The following MYPN variants were observed in gnomAD, a reference collection of about 807,000 sequenced individuals.
MYPN encodes myopalladin.
In MYPN, 63 loss-of-function variants were observed where a neutral mutation model predicts 129.4. The ratio of observed to expected loss-of-function variants is 0.49; its 90% confidence interval spans 0.40 to 0.60. MYPN has a LOEUF of 0.60. MYPN is among the 20% of genes least tolerant of loss of function. The pLI, the probability that MYPN is intolerant of heterozygous loss-of-function variation, is 0.00. For missense variants in MYPN, 1,596 were observed against 1,635.4 expected (o/e 0.98, Z 0.42); for synonymous variants, 629 against 600.9 (o/e 1.05, Z -0.68).
At chr10:68,139,086 C>G (rs1178905804) in intron 2 of MYPN, among the ~76,000 whole-genome samples, 1 of 152,166 alleles carries the variant, frequency 6.6e-6, no homozygotes, top group Non-Finnish European at 1.5e-5. Flanking sequence ...CTTCTTCCTC[C>G]TGCTCCAACA....
At chr10:68,205,340 T>A (rs1037024663) in intron 18 of MYPN, among the ~76,000 whole-genome samples, 7 of 151,818 alleles carry the variant, frequency 4.6e-5, no homozygotes, top group African/African-American at 1.7e-4. Flanking sequence ...CTTATTTATC[T>A]TTTATTTATT....
chr10:68,130,995 T>C (rs1274837332), intron 2 of MYPN, among the ~76,000 whole-genome samples: 3 of 152,214 alleles, frequency 2.0e-5, no homozygotes, highest in Admixed American at 1.3e-4. Flanking sequence ...TATAATAGGC[T>C]TTTCACAGCT....
intron 18 of MYPN, among the ~76,000 whole-genome samples, chr10:68,205,052 G>A (rs1402833748): frequency 1.3e-5 from 2 of 152,188 alleles, no homozygotes; most frequent in Non-Finnish European, 2.9e-5. Context: ...CTTCTGGGAA[G>A]TTTTCCCACC....
At position 68,173,883 on chromosome 10, in the gene MYPN, T is replaced by C. The variant is rs572753514; in HGVS notation, c.1974-183T>C. On this transcript the variant is annotated intron_variant, in intron 10 of 19. Transcript: ENST00000358913. ...GGTTTCACCATGTTGCCCAGGCTGG[T>C]CTCAAACTCCTGGACTCAAGTGATC... Among the ~76,000 whole-genome samples, 126 of 150,238 alleles carry C rather than the reference T, an allele frequency of 8.4e-4. 1 individual carries two copies. Among genetic ancestry groups the C allele is most frequent in the African/African-American group, 2.7e-3 (110 of 40,962 alleles).
rs2042241903 is a variant in MYPN, at chr10:68,121,545, A to G, written c.107A>G (p.Glu36Gly). 6.2e-7 allele frequency: 1 copy of G among 1,614,212 alleles called. No homozygotes were observed. The highest frequency in any genetic ancestry group is 8.5e-7 in the Non-Finnish European group (1 of 1,180,032). Residue 36 changes from glutamate (E) to glycine (G), a missense_variant, in exon 2 of 20, where the codon GAG becomes GGG. Coordinates refer to ENST00000358913, the MANE Select transcript of MYPN (RefSeq NM_032578.4). ...GGAAACAATGAGAGGAGTCGAGCGG[A>G]GCCCTCCTCCAACCCTTGCCATTTC... ...HRGNNERSRA[E>G]PSSNPCHFGS...
At chr10:68,107,486 A>G (rs2042026599), upstream of MYPN, among the ~76,000 whole-genome samples, 1 of 150,534 alleles carries the variant, frequency 6.6e-6, no homozygotes, top group Non-Finnish European at 1.5e-5. Context: ...GACTACAGGC[A>G]TGCACCTCTA....
chr10:68,161,397 GAAGC>G (rs2042972097), intron 7 of MYPN, among the ~76,000 whole-genome samples: 1 of 151,970 alleles, frequency 6.6e-6, no homozygotes, highest in South Asian at 2.1e-4. Flanking sequence ...CTGGGAGGCT[GAAGC>G]AGGAGAATTG....
At chr10:68,209,411 C>A (rs2043868801) in intron 19 of MYPN, among the ~76,000 whole-genome samples, 1 of 152,130 alleles carries the variant, frequency 6.6e-6, no homozygotes, top group Admixed American at 6.5e-5. Context: ...AACAATAGAA[C>A]CTGATTAGGG....
At chr10:68,154,053 G>A (rs2134116023) in intron 6 of MYPN, among the ~76,000 whole-genome samples, 1 of 152,304 alleles carries the variant, frequency 6.6e-6, no homozygotes, top group East Asian at 1.9e-4. Context: ...CAGCAAAACA[G>A]TGGTAGAATT....
At chr10:68,199,335 G>A in intron 16 of MYPN, 33 bp from the exon 17 acceptor site, 4 of 1,603,082 alleles carry the variant, frequency 2.5e-6, no homozygotes, top group Non-Finnish European at 3.4e-6. Context: ...CCTGTCATCA[G>A]TCATGTGCCT....
chr10:68,107,208 A>G (rs2042021955), upstream of MYPN, among the ~76,000 whole-genome samples: 1 of 152,226 alleles, frequency 6.6e-6, no homozygotes, highest in African/African-American at 2.4e-5. Context: ...AATATTATTT[A>G]TTTAAAACAT....
At chr10:68,140,176 T>C (rs1415899934) in intron 2 of MYPN, among the ~76,000 whole-genome samples, 2 of 152,148 alleles carry the variant, frequency 1.3e-5, no homozygotes, top group African/African-American at 4.8e-5. Context: ...AGCTTATGTG[T>C]TCACAGAATC....
In MYPN at chr10:68,148,377, A is replaced by T. The variant is rs779840301; in HGVS notation, c.1155A>T (p.Ser385=). The T allele has an allele frequency of 1.2e-6, 2 of 1,614,100 alleles. No homozygotes were observed. The highest frequency in any genetic ancestry group is 1.1e-5 in the South Asian group (1 of 91,092). ...MNRIQKPNEV[S]SPPTTSAVIP... is the part of the protein sequence containing the mutation. ...GAATCCAGAAGCCAAATGAGGTGTC[A>T]TCTCCTCCCACTACCTCTGCAGTCA... is the stretch of plus-strand genomic sequence containing the variant. Residue 385 remains serine, a synonymous_variant, in exon 5 of 20, where the codon TCA becomes TCT. Transcript: ENST00000358913.
chr10:68,189,299 G>A (rs987022067), intron 13 of MYPN, among the ~76,000 whole-genome samples, 173 bp downstream of exon 13: 5 of 152,158 alleles, frequency 3.3e-5, no homozygotes, highest in African/African-American at 9.7e-5. Flanking sequence ...TGTATACAAT[G>A]TGTAATGATC....
intron 14 of MYPN, among the ~76,000 whole-genome samples, chr10:68,194,769 TGAACTA>T (rs1251178208): frequency 6.6e-6 from 1 of 152,222 alleles, no homozygotes; most frequent in Non-Finnish European, 1.5e-5. Context: ...GCAGACTTCT[TGAACTA>T]GATCTTGTGT....
intron 16 of MYPN, among the ~76,000 whole-genome samples, chr10:68,198,874 G>GGA (rs2043657476): frequency 6.7e-6 from 1 of 149,792 alleles, no homozygotes; most frequent in Non-Finnish European, 1.5e-5. Context: ...GGATGGGAGG[G>GGA]GTGAGGGGAG....
intron 1 of MYPN, among the ~76,000 whole-genome samples, chr10:68,096,187 T>G (rs2041955667): frequency 6.6e-6 from 1 of 152,244 alleles, no homozygotes. Flanking sequence ...ATTTATAAGA[T>G]AAACACTGGT....
chr10:68,191,600 G>A (rs2043514768), intron 13 of MYPN, among the ~76,000 whole-genome samples: 1 of 152,130 alleles, frequency 6.6e-6, no homozygotes, highest in African/African-American at 2.4e-5. Context: ...GAGCAGTATA[G>A]ACATTTTAAC....
chr10:68,119,206 A>G (rs1360974400), intron 1 of MYPN, among the ~76,000 whole-genome samples: 1 of 152,098 alleles, frequency 6.6e-6, no homozygotes, highest in East Asian at 1.9e-4. Flanking sequence ...TTCATATACT[A>G]TTTTGTGTAT....
Sources: gnomAD v4.1 joint callset for allele counts (sites outside exome capture counted in the v4.1 genomes callset) on GRCh38, gnomAD v4.1.1 for gene constraint, MANE v1.5 for transcripts, NCBI Gene and HGNC (gene_info 2026-07-23, HGNC 2026-07-21) for gene names.